Variants in UGGT2 observed in about 807,000 individuals in gnomAD.
UGGT2 encodes the protein UDP-glucose glycoprotein glucosyltransferase 2.
In UGGT2, 180 loss-of-function variants were observed where a neutral mutation model predicts 192.1. The ratio of observed to expected loss-of-function variants is 0.94; its 90% CI spans 0.83 to 1.06. The LOEUF (loss-of-function observed/expected upper bound fraction) is 1.06. UGGT2 is among the 50% of genes least tolerant of loss of function. The probability of loss-of-function intolerance (pLI) is 0.00; values close to 1 mark genes in which losing one functional copy is unlikely to be tolerated. For synonymous variants in UGGT2, 580 were observed against 591.0 expected, an observed-to-expected ratio of 0.98 and a Z score of 0.27; for missense variants, 1,849 against 1,795.7, an observed-to-expected ratio of 1.03 and a Z score of -0.54.
At chr13:96,002,192 G>A (rs976561945) in intron 5 of UGGT2, among the ~76,000 whole-genome samples, 3 of 152,154 alleles carry the variant, frequency 2.0e-5, no homozygotes, top group African/African-American at 7.2e-5. Context: ...TCTCAGCTCT[G>A]CCTTATCTGA....
intron 10 of UGGT2, among the ~76,000 whole-genome samples, chr13:95,976,552 G>A (rs915115929): frequency 6.6e-5 from 10 of 152,006 alleles, no homozygotes; most frequent in African/African-American, 2.4e-4. Context: ...CAGTGCACAA[G>A]GGTTCCCCTT....
intron 26 of UGGT2, among the ~76,000 whole-genome samples, chr13:95,885,887 T>G (rs1327573929): frequency 1.3e-5 from 2 of 151,988 alleles, no homozygotes; most frequent in African/African-American, 4.8e-5. Flanking sequence ...GTGAATGAGA[T>G]ATGAAGACAG....
chr13:95,890,892 T>C lies in UGGT2; in HGVS notation c.2928A>G (p.Arg976=). ...ACAACTGTGCCATTTTCTGTGCTTC[T>C]CTTGTTAATGGATCAACAATAGCAA... is the stretch of plus-strand genomic sequence containing the variant. ...NVIAIVDPLT[R]EAQKMAQLLV... Residue 976 remains arginine (R), a synonymous_variant, in exon 25 of 39, where the codon AGA becomes AGG. Coordinates refer to ENST00000376747, the MANE Select transcript of UGGT2 (RefSeq NM_020121.4). The C allele has an allele frequency of 6.2e-7, 1 of 1,612,950 alleles. No individual in the cohort carries two copies. The highest frequency in any genetic ancestry group is 8.5e-7 in the Non-Finnish European group (1 of 1,179,404).
chr13:95,929,659 T>C (rs553156747), intron 17 of UGGT2, among the ~76,000 whole-genome samples: 3 of 152,346 alleles, frequency 2.0e-5, no homozygotes, highest in African/African-American at 2.4e-5. Flanking sequence ...ATGGTGTATA[T>C]ATGCACCACA....
intron 26 of UGGT2, among the ~76,000 whole-genome samples, chr13:95,886,038 A>C (rs1263270028): frequency 6.6e-6 from 1 of 152,172 alleles, no homozygotes; most frequent in Non-Finnish European, 1.5e-5. Flanking sequence ...AAGCTAGTAT[A>C]GAGATTAAAG....
intron 22 of UGGT2, among the ~76,000 whole-genome samples, chr13:95,896,162 T>G (rs1216128043): frequency 6.6e-6 from 1 of 152,140 alleles, no homozygotes; most frequent in Non-Finnish European, 1.5e-5. Context: ...TATTTTTTTC[T>G]TGGTAAAAAG....
At chr13:95,942,318 T>C (rs2049719885) in intron 15 of UGGT2, among the ~76,000 whole-genome samples, 1 of 151,664 alleles carries the variant, frequency 6.6e-6, no homozygotes, top group Non-Finnish European at 1.5e-5. Context: ...AGTGAATTAT[T>C]ATCAGATTGT....
At chr13:95,847,330 T>C (rs1026512238) in intron 36 of UGGT2, among the ~76,000 whole-genome samples, 1 of 152,166 alleles carries the variant, frequency 6.6e-6, no homozygotes, top group Admixed American at 6.5e-5. Flanking sequence ...AAGTCTACAG[T>C]TTACATTAGA....
intron 20 of UGGT2, among the ~76,000 whole-genome samples, chr13:95,922,432 C>T (rs77115374): frequency 0.073 from 10,462 of 143,858 alleles, 655 homozygotes; most frequent in African/African-American, 0.16. Flanking sequence ...TGTAACAAAT[C>T]TCCACATGTA....
intron 20 of UGGT2, among the ~76,000 whole-genome samples, chr13:95,912,437 C>T (rs1170094409): frequency 1.3e-5 from 2 of 152,044 alleles, no homozygotes; most frequent in African/African-American, 4.8e-5. Flanking sequence ...TTCCTATACA[C>T]CATTAACAGA....
chr13:95,841,547 C>T (rs538675411), intron 36 of UGGT2, among the ~76,000 whole-genome samples: 3 of 152,264 alleles, frequency 2.0e-5, no homozygotes, highest in East Asian at 3.9e-4. Flanking sequence ...GATGTAGCAG[C>T]CAGATTGCCC....
At chr13:95,933,143 T>C (rs993624204) in intron 17 of UGGT2, among the ~76,000 whole-genome samples, 1 of 152,210 alleles carries the variant, frequency 6.6e-6, no homozygotes, top group Non-Finnish European at 1.5e-5. Context: ...TTTGGAATAG[T>C]TTCAGTAGGA....
chr13:95,815,102 C>A (rs1884761664), intron 38 of UGGT2, among the ~76,000 whole-genome samples: 1 of 151,978 alleles, frequency 6.6e-6, no homozygotes, highest in African/African-American at 2.4e-5. Context: ...TCTATGAAGA[C>A]CCAAAGCTAA....
At chr13:95,949,780 C>T (rs1594415512) in intron 12 of UGGT2, among the ~76,000 whole-genome samples, 1 of 152,132 alleles carries the variant, frequency 6.6e-6, no homozygotes, top group East Asian at 1.9e-4. Context: ...TAATTATCAG[C>T]AGTAAATGAA....
chr13:95,974,127 C>T (rs2050862992), intron 10 of UGGT2, among the ~76,000 whole-genome samples: 1 of 152,198 alleles, frequency 6.6e-6, no homozygotes, highest in African/African-American at 2.4e-5. Context: ...GAGCTACACA[C>T]AGAGGAGGGA....
intron 31 of UGGT2, 33 bp downstream of exon 31, chr13:95,863,596 T>C (rs778585364): frequency 5.2e-6 from 8 of 1,533,126 alleles, no homozygotes; most frequent in African/African-American, 1.4e-5. Context: ...TGGATCAATC[T>C]AGTGATGTAT....
At chr13:95,905,904 G>A (rs576261806) in intron 20 of UGGT2, among the ~76,000 whole-genome samples, 20 of 152,102 alleles carry the variant, frequency 1.3e-4, no homozygotes, top group African/African-American at 3.4e-4. Flanking sequence ...CGTGAAAAGG[G>A]GGAAGTGTCA....
chr13:95,916,902 G>A lies in UGGT2; in HGVS notation c.2295+8778C>T, dbSNP rs978144489. Among the ~76,000 whole-genome samples, 24 of 151,908 alleles carry A rather than the reference G, an allele frequency of 1.6e-4. 1 individual carries two copies. Among genetic ancestry groups the A allele is most frequent in the Non-Finnish European group, 2.1e-4 (14 of 67,958 alleles). On this transcript the variant is annotated intron_variant, in intron 20 of 38. Coordinates refer to ENST00000376747, the MANE Select transcript of UGGT2 (RefSeq NM_020121.4). ...AAACCTCCGAGAACTATAGGATTAT[G>A]TAAAAGGAGCTGTGACTGATGGGGT...
intron 37 of UGGT2, among the ~76,000 whole-genome samples, chr13:95,835,205 C>A (rs182837241): frequency 1.3e-5 from 2 of 152,266 alleles, no homozygotes; most frequent in Admixed American, 6.5e-5. Context: ...GGCTACTGCA[C>A]TGGAAGAAGC....
Sources: allele counts gnomAD v4.1 joint callset (sites outside exome capture counted in the v4.1 genomes callset), GRCh38; gene constraint gnomAD v4.1.1; transcripts MANE v1.5; gene names NCBI Gene and HGNC (gene_info 2026-07-23, HGNC 2026-07-21).